The following HMGN3 variants were observed in gnomAD, a reference collection of about 807,000 sequenced individuals.
HMGN3 encodes the protein high mobility group nucleosomal binding domain 3.
Under a neutral mutation model 18.8 loss-of-function variants are expected in HMGN3, and 6 were observed. The observed-to-expected ratio is 0.32, with a 90% CI of 0.18 to 0.63. HMGN3 has a LOEUF of 0.63. HMGN3 is among the 30% of genes least tolerant of loss of function. The pLI is 0.79. For missense variants in HMGN3, 107 were observed against 114.2 expected, an observed-to-expected ratio of 0.94 and a Z score of 0.29; for synonymous variants, 40 against 36.5, an observed-to-expected ratio of 1.10 and a Z score of -0.35.
At chr6:79,220,418 T>A (rs1031074365) in intron 1 of HMGN3, among the ~76,000 whole-genome samples, 8 of 152,154 alleles carry the variant, frequency 5.3e-5, no homozygotes, top group Non-Finnish European at 8.8e-5. Flanking sequence ...AACAGAGTAA[T>A]ACATGTACAG....
At chr6:79,212,325 T>A (rs765680679) in intron 2 of HMGN3, among the ~76,000 whole-genome samples, 1 of 152,218 alleles carries the variant, frequency 6.6e-6, no homozygotes, top group Non-Finnish European at 1.5e-5. Flanking sequence ...ATAACATCTG[T>A]CAATCTGTCC....
intron 3 of HMGN3, 57 bp downstream of exon 3, chr6:79,208,490 G>A: frequency 2.2e-6 from 3 of 1,384,050 alleles, no homozygotes; most frequent in African/African-American, 1.4e-5. Flanking sequence ...CTTCACTTTG[G>A]ACAAAGGGAA....
intron 1 of HMGN3, among the ~76,000 whole-genome samples, chr6:79,228,750 A>G (rs73468055): frequency 0.017 from 2,657 of 152,310 alleles, 87 homozygotes; most frequent in African/African-American, 0.061. Context: ...AATTTTTTGT[A>G]GAGATGACGT....
intron 2 of HMGN3, among the ~76,000 whole-genome samples, 166 bp downstream of exon 2, chr6:79,214,806 A>G (rs921650765): frequency 6.6e-6 from 1 of 152,232 alleles, no homozygotes; most frequent in Non-Finnish European, 1.5e-5. Context: ...AAGCGAGACT[A>G]CATATAGACA....
At chr6:79,234,441 T>C (rs1339480816) in intron 1 of HMGN3, 105 bp downstream of exon 1, 5 of 1,064,930 alleles carry the variant, frequency 4.7e-6, no homozygotes, top group Non-Finnish European at 7.1e-6. Context: ...AGATTCCCAA[T>C]CCCCGGGTTA....
intron 1 of HMGN3, among the ~76,000 whole-genome samples, chr6:79,225,674 C>A (rs1325517528): frequency 1.3e-5 from 2 of 152,166 alleles, no homozygotes; most frequent in Non-Finnish European, 2.9e-5. Context: ...CAGCAGTTCA[C>A]AGTGGAATCT....
At chr6:79,233,109 T>C (rs1024279836) in intron 1 of HMGN3, among the ~76,000 whole-genome samples, 1 of 152,228 alleles carries the variant, frequency 6.6e-6, no homozygotes, top group Non-Finnish European at 1.5e-5. Context: ...TTGGCATCTA[T>C]AGCATCTGAT....
intron 3 of HMGN3, among the ~76,000 whole-genome samples, chr6:79,205,869 G>C (rs1776399976): frequency 6.6e-6 from 1 of 152,214 alleles, no homozygotes; most frequent in South Asian, 2.1e-4. Context: ...TATTGACAAT[G>C]AAATCCAGGC....
chr6:79,203,616 T>G, exon 4 of HMGN3: 1 of 1,613,478 alleles, frequency 6.2e-7, no homozygotes, highest in Non-Finnish European at 8.5e-7. Context: ...GTTCAGGTTT[T>G]GGTGGAGCAG....
intron 3 of HMGN3, among the ~76,000 whole-genome samples, chr6:79,205,716 C>A (rs997832194): frequency 1.3e-5 from 2 of 152,160 alleles, no homozygotes; most frequent in Non-Finnish European, 2.9e-5. Context: ...AACTGGGTAA[C>A]AGACAGAGGT....
chr6:79,231,237 G>A (rs12214287), intron 1 of HMGN3, among the ~76,000 whole-genome samples: 6 of 152,160 alleles, frequency 3.9e-5, no homozygotes, highest in African/African-American at 1.2e-4. Context: ...TCTAGGCCTC[G>A]CTGGCTCATG....
At chr6:79,229,983 A>C (rs998772705) in intron 1 of HMGN3, among the ~76,000 whole-genome samples, 1 of 152,250 alleles carries the variant, frequency 6.6e-6, no homozygotes, top group Non-Finnish European at 1.5e-5. Context: ...TCACTTATTT[A>C]CAAATATTCA....
intron 2 of HMGN3, among the ~76,000 whole-genome samples, chr6:79,209,383 A>G (rs1416798287): frequency 6.6e-6 from 1 of 152,184 alleles, no homozygotes; most frequent in Non-Finnish European, 1.5e-5. Flanking sequence ...CATCCAACCT[A>G]CGGTGGCTCC....
At position 79,202,171 on chromosome 6, in the gene HMGN3, A is replaced by C; in HGVS notation, c.261+105T>G. On this transcript the variant is annotated intron_variant, in intron 5 of 5. Transcript: ENST00000344726. ...AGATGTGGATCTGCAATAACATTAC[A>C]GGCAATAAAAAGAGACATTAAGAAC... 6.2e-7 allele frequency: 1 copy of C among 1,600,340 alleles called. No homozygotes were observed. The highest frequency in any genetic ancestry group is 8.5e-7 in the Non-Finnish European group (1 of 1,177,208).
At chr6:79,215,276 G>A (rs1171586004) in intron 1 of HMGN3, among the ~76,000 whole-genome samples, 1 of 152,232 alleles carries the variant, frequency 6.6e-6, no homozygotes, top group Non-Finnish European at 1.5e-5. Flanking sequence ...TGTTCTCAAT[G>A]TGCATTCACC....
intron 3 of HMGN3, among the ~76,000 whole-genome samples, chr6:79,204,550 T>C (rs943447503): frequency 6.6e-6 from 1 of 152,196 alleles, no homozygotes; most frequent in African/African-American, 2.4e-5. Flanking sequence ...ATTTCTCTCA[T>C]AGAACTAGAA....
chr6:79,215,886 G>T (rs1776958641), intron 1 of HMGN3, among the ~76,000 whole-genome samples: 1 of 152,140 alleles, frequency 6.6e-6, no homozygotes, highest in African/African-American at 2.4e-5. Flanking sequence ...CATAAAGTTA[G>T]AAAGTGAATA....
chr6:79,212,514 C>T (rs1035443615), intron 2 of HMGN3, among the ~76,000 whole-genome samples: 1 of 152,152 alleles, frequency 6.6e-6, no homozygotes, highest in African/African-American at 2.4e-5. Context: ...CAGTGCTTGG[C>T]GCATTATAGG....
At chr6:79,215,508 T>C (rs946855275) in intron 1 of HMGN3, among the ~76,000 whole-genome samples, 7 of 152,238 alleles carry the variant, frequency 4.6e-5, no homozygotes, top group Admixed American at 1.3e-4. Context: ...TTTCTTGATA[T>C]GAACTGACAA....
Sources: allele counts gnomAD v4.1 joint callset (sites outside exome capture counted in the v4.1 genomes callset), GRCh38; gene constraint gnomAD v4.1.1; transcripts MANE v1.5; gene names NCBI Gene and HGNC (gene_info 2026-07-23, HGNC 2026-07-21).